Variants in ACSL1 observed in about 807,000 individuals in gnomAD.
The protein encoded by ACSL1 is acyl-CoA synthetase long chain family member 1, also known as long-chain-fatty-acid--CoA ligase 1.
ACSL1 carries 41 observed loss-of-function variants against 98.4 expected under a neutral mutation model. The ratio of observed to expected loss-of-function variants is 0.42; its 90% CI spans 0.32 to 0.54. The LOEUF (loss-of-function observed/expected upper bound fraction) is 0.54. Among genes scored for constraint, ACSL1 ranks in the 20% least tolerant of loss-of-function variants. ACSL1 has a pLI of 0.13. For missense variants in ACSL1, 734 were observed against 883.1 expected (o/e 0.83, Z 2.14); for synonymous variants, 316 against 322.7 (o/e 0.98, Z 0.22).
At chr4:184,789,088 C>G (rs920005414) in intron 2 of ACSL1, among the ~76,000 whole-genome samples, 2 of 152,254 alleles carry the variant, frequency 1.3e-5, no homozygotes, top group South Asian at 2.1e-4. Flanking sequence ...CCCCTCTAGG[C>G]GGCCACCTGC....
intron 1 of ACSL1, among the ~76,000 whole-genome samples, chr4:184,812,756 T>C (rs1047217845): frequency 6.6e-6 from 1 of 151,880 alleles, no homozygotes; most frequent in Non-Finnish European, 1.5e-5. Context: ...AGGGAAGAGA[T>C]CAAATAAGTA....
intron 3 of ACSL1, 151 bp downstream of exon 3, chr4:184,788,466 G>A (rs1177693056): frequency 4.2e-6 from 3 of 711,884 alleles, no homozygotes; most frequent in Admixed American, 4.0e-5. Flanking sequence ...TGAGCTTTGG[G>A]ACCGACTCTG....
At chr4:184,780,170 C>T (rs1016084922) in intron 5 of ACSL1, among the ~76,000 whole-genome samples, 162 bp downstream of exon 5, 2 of 151,922 alleles carry the variant, frequency 1.3e-5, no homozygotes, top group South Asian at 2.1e-4. Context: ...CTGTGCCCAG[C>T]GGCCCTGGTT....
At chr4:184,763,381 A>G in intron 15 of ACSL1, 126 bp from the exon 16 acceptor site, 1 of 793,912 alleles carries the variant, frequency 1.3e-6, no homozygotes, top group Non-Finnish European at 2.0e-6. Context: ...GATTTCTGCA[A>G]TTACAGCCAT....
chr4:184,811,279 T>G (rs1772058026), intron 1 of ACSL1, among the ~76,000 whole-genome samples: 1 of 151,364 alleles, frequency 6.6e-6, no homozygotes, highest in Non-Finnish European at 1.5e-5. Flanking sequence ...TGGCTAATTT[T>G]TTTTTTGTAT....
rs1187085634 is a variant in ACSL1 at position 184,803,619 on chromosome 4, G to T, written c.-32-73C>A. On this transcript the variant is annotated intron_variant, in intron 1 of 20. Coordinates refer to ENST00000281455, the MANE Select transcript of ACSL1 (RefSeq NM_001995.5). This position sits in a 1 kb window ranked among gnomAD's most constrained non-coding sequence, Gnocchi z 4.8. ...CTCTCCAGAACTCCAAAATTCCACC[G>T]GCCAGCCATCTAATTGGGTAGCTGC... 2 of 1,104,796 alleles carry T rather than the reference G, an allele frequency of 1.8e-6. No individual in the cohort carries two copies. The highest frequency in any genetic ancestry group is 3.6e-5 in the Admixed American group (1 of 27,770). 68.4% of individuals were successfully genotyped at this position (1,104,796 alleles called of 1,614,324 possible). A position where few individuals can be genotyped will look rare whatever the true frequency, so the allele number is the denominator to read the frequency against.
chr4:184,762,426 T>TC lies in ACSL1; in HGVS notation c.1618dup (p.Asp540GlyfsTer22). 1 of 1,614,208 alleles carries TC rather than the reference T, an allele frequency of 6.2e-7. No homozygotes were observed. The highest frequency in any genetic ancestry group is 8.5e-7 in the Non-Finnish European group (1 of 1,180,020). On this transcript the variant is annotated frameshift_variant, in exon 17 of 21. Coordinates refer to ENST00000281455, the MANE Select transcript of ACSL1 (RefSeq NM_001995.5). LOFTEE classifies it high-confidence loss of function. ...ACTTACTGGTAACCATTTTCCAATG[T>TC]CCCCTGTGTGTAACCAGCCGTCTTT... is the stretch of plus-strand genomic sequence containing the variant.
intron 1 of ACSL1, among the ~76,000 whole-genome samples, chr4:184,821,567 C>T (rs1356422733): frequency 6.6e-6 from 1 of 152,200 alleles, no homozygotes; most frequent in African/African-American, 2.4e-5. Context: ...GTCCATTAAA[C>T]CTATTCATTA....
At chr4:184,783,852 G>T in intron 4 of ACSL1, 75 bp downstream of exon 4, 1 of 1,381,676 alleles carries the variant, frequency 7.2e-7, no homozygotes, top group Non-Finnish European at 1.0e-6. Flanking sequence ...GAAACCTTCC[G>T]GCTCCAAGAA....
At chr4:184,799,697 T>A (rs566356487) in intron 2 of ACSL1, among the ~76,000 whole-genome samples, 3 of 152,074 alleles carry the variant, frequency 2.0e-5, no homozygotes, top group Non-Finnish European at 2.9e-5. Flanking sequence ...AAATTTTTTT[T>A]AATTAGCCAG....
chr4:184,806,478 G>C (rs931428228), intron 1 of ACSL1, among the ~76,000 whole-genome samples: 3 of 152,088 alleles, frequency 2.0e-5, no homozygotes, highest in Admixed American at 6.5e-5. Flanking sequence ...AAAGCTCCTA[G>C]AGTAACTCCC....
At position 184,761,233 on chromosome 4, in the gene ACSL1, G is replaced by C. The variant is rs577383440; in HGVS notation, c.1639-733C>G. Among the ~76,000 whole-genome samples the C allele has an allele frequency of 2.6e-5, 4 of 152,322 alleles. No homozygotes were observed. The South Asian group carries it at 6.2e-4, about 24-fold the overall frequency. The stretch of plus-strand genomic sequence containing the variant: ...GAGAGACTATGGGATGTGTTCGTGA[G>C]TGCCACAGTAGAATTGGAACTGACA... On this transcript the variant is annotated intron_variant, in intron 17 of 20. Transcript: ENST00000281455.
intron 1 of ACSL1, among the ~76,000 whole-genome samples, chr4:184,814,183 C>T (rs1172402008): frequency 2.7e-5 from 4 of 146,022 alleles, no homozygotes; most frequent in East Asian, 2.1e-4. Context: ...CCCAGCTACT[C>T]GGGAGGCTGA....
intron 17 of ACSL1, 119 bp from the exon 18 acceptor site, chr4:184,760,619 C>T: frequency 1.5e-6 from 2 of 1,371,970 alleles, no homozygotes; most frequent in Non-Finnish European, 2.0e-6. Context: ...CTAATAACAT[C>T]CCACAGAGGT....
Position 184,764,838 on chromosome 4 carries a change from C to T in ACSL1, c.1432+15G>A, listed in dbSNP as rs1161071256. On this transcript the variant is annotated intron_variant, in intron 15 of 20. Coordinates refer to ENST00000281455, the MANE Select transcript of ACSL1 (RefSeq NM_001995.5). The stretch of plus-strand genomic sequence containing the variant: ...GAATAACAAAATTCCAAAAAGGAGC[C>T]TCCTACAGCCATACCTGCGGTCCAG... The T allele has an allele frequency of 1.9e-6, 3 of 1,606,264 alleles. No homozygotes were observed. The highest frequency in any genetic ancestry group is 2.5e-6 in the Non-Finnish European group (3 of 1,177,546).
rs748852824 is a variant in ACSL1 at position 184,803,356 on chromosome 4, C to T, written c.159G>A (p.Pro53=). The part of the protein sequence containing the change: ...WYATRPKPLK[P]PCDLSMQSVE... ...CTGACTGCATGGAGAGGTCGCATGG[C>T]GGCTTCAGGGGTTTGGGTCTCGTGG... The change falls in exon 2 of 21, where the codon CCG becomes CCA. Residue 53 remains proline (P), a synonymous_variant. Coordinates refer to ENST00000281455, the MANE Select transcript of ACSL1 (RefSeq NM_001995.5). This position sits in a 1 kb window ranked among gnomAD's most constrained non-coding sequence, Gnocchi z 4.8. 10 of 1,609,196 alleles carry T rather than the reference C, an allele frequency of 6.2e-6. No individual in the cohort carries two copies. In the East Asian group the frequency reaches 8.9e-5, roughly 14 times the overall value.
intron 4 of ACSL1, among the ~76,000 whole-genome samples, chr4:184,782,830 C>T (rs1012275098): frequency 2.0e-5 from 3 of 152,074 alleles, no homozygotes; most frequent in African/African-American, 7.2e-5. Flanking sequence ...AGAGGACGGA[C>T]GGGGAGAAAT....
rs560994731 is a variant in ACSL1 at position 184,773,535 on chromosome 4, C to G, written c.841+128G>C. The stretch of plus-strand genomic sequence containing the variant: ...CTTACAGAGCAACAAGAAGACAGCA[C>G]TTGAACCGCTTCCTTCTCTTCTGCT... On this transcript the variant is annotated intron_variant, in intron 9 of 20. Transcript: ENST00000281455. The surrounding 1 kb of genome is among the most constrained non-coding windows in gnomAD (Gnocchi z 4.3). The G allele has an allele frequency of 4.7e-5, 41 of 864,588 alleles. No individual in the cohort carries two copies. The highest frequency in any genetic ancestry group is 4.1e-4 in the African/African-American group (24 of 58,364). 53.6% of individuals were successfully genotyped at this position (864,588 alleles called of 1,614,324 possible). A position where few individuals can be genotyped will look rare whatever the true frequency, so the allele number is the denominator to read the frequency against.
chr4:184,792,206 T>C (rs1430727942), intron 2 of ACSL1, among the ~76,000 whole-genome samples: 2 of 152,038 alleles, frequency 1.3e-5, no homozygotes, highest in East Asian at 3.8e-4. Flanking sequence ...AATTAGCAAT[T>C]AGAATAATGA....
Sources: allele counts gnomAD v4.1 joint callset (sites outside exome capture counted in the v4.1 genomes callset), GRCh38; gene constraint gnomAD v4.1.1; non-coding constraint Gnocchi (gnomAD v3.1); transcripts MANE v1.5; gene names NCBI Gene and HGNC (gene_info 2026-07-23, HGNC 2026-07-21).